The following RNF38 variants were observed in gnomAD, a reference collection of about 807,000 sequenced individuals.
RNF38 encodes the protein ring finger protein 38.
Under a neutral mutation model 67.2 loss-of-function variants are expected in RNF38, and 15 were observed. That is an observed-to-expected ratio of 0.22 (90% confidence interval 0.15 to 0.34). The LOEUF is 0.34. Ranked by LOEUF, RNF38 falls within the 10% of genes least tolerant of loss-of-function variation. RNF38 has a pLI of 1.00. For missense variants in RNF38, 524 were observed against 639.9 expected (o/e 0.82, Z 1.95); for synonymous variants, 220 against 218.8 (o/e 1.01, Z -0.05).
intron 1 of RNF38, among the ~76,000 whole-genome samples, chr9:36,475,957 C>A (rs1005587591): frequency 6.9e-6 from 1 of 145,656 alleles, no homozygotes; most frequent in Non-Finnish European, 1.5e-5. Context: ...TGCAGTAGGC[C>A]GAGATAATGC....
At chr9:36,400,453 G>A (rs1167237123), upstream of RNF38, 12 of 1,059,674 alleles carry the variant, frequency 1.1e-5, no homozygotes, top group African/African-American at 1.7e-5. Context: ...GGCGGCCGAG[G>A]CAAACCTTAG....
chr9:36,472,352 T>C (rs902901148), intron 1 of RNF38, among the ~76,000 whole-genome samples: 2 of 152,214 alleles, frequency 1.3e-5, no homozygotes, highest in African/African-American at 4.8e-5. Context: ...TCATTTTTCC[T>C]TCCTAGGTAT....
intron 1 of RNF38, among the ~76,000 whole-genome samples, chr9:36,462,747 TCAC>T (rs914051240): frequency 4.6e-5 from 7 of 151,604 alleles, no homozygotes; most frequent in Non-Finnish European, 8.8e-5. Flanking sequence ...TGATCTCAGC[TCAC>T]CACAACTTCC....
In RNF38 at chr9:36,435,446, A is replaced by T. The variant is rs73648758; in HGVS notation, n.242-10763T>A. On this transcript the variant is annotated intron_variant and non_coding_transcript_variant, in intron 1 of 3. Transcript: ENST00000488058. ...TTTGTATTCCAAAACAAAAAGTAAAAATTAAGTAGAAATTTACTCTAATAA... is the reference window on the plus strand; with the variant it reads ...TTTGTATTCCAAAACAAAAAGTAAATATTAAGTAGAAATTTACTCTAATAA... Among the ~76,000 whole-genome samples the T allele has an allele frequency of 2.4e-3, 370 of 152,224 alleles. 1 individual carries two copies. The highest frequency in any genetic ancestry group is 8.6e-3 in the African/African-American group (356 of 41,532).
chr9:36,418,737 G>A (rs1315211810), intron 2 of RNF38, among the ~76,000 whole-genome samples: 1 of 152,092 alleles, frequency 6.6e-6, no homozygotes, highest in Non-Finnish European at 1.5e-5. Flanking sequence ...AGTGAGGCGA[G>A]ATGGTGCCAC....
upstream of RNF38, chr9:36,400,474 G>C (rs1161688878): frequency 9.8e-7 from 1 of 1,021,174 alleles, no homozygotes; most frequent in Non-Finnish European, 1.2e-6. Flanking sequence ...CCCAAGACTC[G>C]GGCGCGGCCC....
intron 2 of RNF38, among the ~76,000 whole-genome samples, chr9:36,413,806 C>A (rs1323755558): frequency 6.6e-6 from 1 of 152,184 alleles, no homozygotes; most frequent in Non-Finnish European, 1.5e-5. Flanking sequence ...TGTTAACTTT[C>A]CATCTTGATG....
At chr9:36,413,216 C>G (rs1347481170) in intron 2 of RNF38, among the ~76,000 whole-genome samples, 1 of 150,202 alleles carries the variant, frequency 6.7e-6, no homozygotes, top group African/African-American at 2.4e-5. Context: ...GGCAACAGAG[C>G]AAGACTCCAT....
intron 3 of RNF38, among the ~76,000 whole-genome samples, chr9:36,373,877 G>C (rs988323461): frequency 6.6e-6 from 1 of 151,664 alleles, no homozygotes; most frequent in African/African-American, 2.4e-5. Flanking sequence ...TTTTGGTAGA[G>C]ACAGGGTTTC....
At chr9:36,371,890 A>G (rs1178917460) in intron 3 of RNF38, among the ~76,000 whole-genome samples, 2 of 150,754 alleles carry the variant, frequency 1.3e-5, no homozygotes, top group Non-Finnish European at 3.0e-5. Flanking sequence ...ATTCTGGGAA[A>G]TTTCCTCCAC....
chr9:36,486,429 T>A (rs1447555554), intron 1 of RNF38, among the ~76,000 whole-genome samples: 2 of 152,146 alleles, frequency 1.3e-5, no homozygotes, highest in Non-Finnish European at 2.9e-5. Context: ...CCAAACCACC[T>A]GGAAAAAACT....
rs746780162 is a variant in RNF38 at position 36,351,138 on chromosome 9, C to G, written c.1240G>C (p.Asp414His). 6 of 1,612,424 alleles carry G rather than the reference C, an allele frequency of 3.7e-6. No individual in the cohort carries two copies. The highest frequency in any genetic ancestry group is 3.4e-6 in the Non-Finnish European group (4 of 1,178,950). ...ACCTCGTAATTTTCTACTTCTCCATCTTCTACATCTAATTCAAAGCTGAAA... is the reference window on the plus strand; with the variant it reads ...ACCTCGTAATTTTCTACTTCTCCATGTTCTACATCTAATTCAAAGCTGAAA... Reference protein sequence around the residue: ...PTFSFELDVEDGEVENYEALL... With the variant: ...PTFSFELDVEHGEVENYEALL... Residue 414 changes from aspartate (D) to histidine (H), a missense_variant, in exon 9 of 12, where the codon GAT (aspartate) becomes CAT (histidine). This residue lies in a region of RNF38 where 461 missense variants were observed against 517.4 expected (regional missense o/e 0.89). Transcript: ENST00000259605.
intron 2 of RNF38, among the ~76,000 whole-genome samples, chr9:36,387,830 A>G (rs1836759767): frequency 6.6e-6 from 1 of 152,160 alleles, no homozygotes. Flanking sequence ...CGGGAAGCAC[A>G]TACAAAATAT....
At chr9:36,414,687 C>CAAAA (rs549559098) in intron 2 of RNF38, among the ~76,000 whole-genome samples, 3 of 70,074 alleles carry the variant, frequency 4.3e-5, no homozygotes, top group African/African-American at 1.4e-4. Context: ...ACTCTGTCTC[C>CAAAA]AAAAAAAAAA....
chr9:36,376,431 G>C (rs750517543), intron 2 of RNF38, among the ~76,000 whole-genome samples: 2 of 152,132 alleles, frequency 1.3e-5, no homozygotes, highest in Non-Finnish European at 2.9e-5. Flanking sequence ...CTTTCGTGTA[G>C]TACTCGACCT....
intron 1 of RNF38, among the ~76,000 whole-genome samples, chr9:36,450,475 TC>T (rs2134332261): frequency 6.6e-6 from 1 of 152,288 alleles, no homozygotes; most frequent in African/African-American, 2.4e-5. Flanking sequence ...TGTTTTAATT[TC>T]CCTCTAAAAT....
intron 1 of RNF38, among the ~76,000 whole-genome samples, chr9:36,426,960 A>T (rs1169929255): frequency 1.3e-5 from 2 of 152,270 alleles, no homozygotes; most frequent in Non-Finnish European, 2.9e-5. Flanking sequence ...TGCCTGGCAC[A>T]CAGCAATTCA....
chr9:36,344,810 G>A, intron 10 of RNF38, 22 bp downstream of exon 10: 1 of 1,605,802 alleles, frequency 6.2e-7, no homozygotes, highest in Non-Finnish European at 8.5e-7. Flanking sequence ...ATTTAGCAGT[G>A]ATGTCAGAAA....
chr9:36,459,748 CG>C (rs1388008764), intron 1 of RNF38, among the ~76,000 whole-genome samples: 5 of 151,996 alleles, frequency 3.3e-5, no homozygotes, highest in Non-Finnish European at 7.4e-5. Context: ...CAGAGACTTG[CG>C]GATTTTAGGA....
Sources: allele counts gnomAD v4.1 joint callset (sites outside exome capture counted in the v4.1 genomes callset), GRCh38; gene constraint gnomAD v4.1.1; regional missense constraint gnomAD v4.1.1; transcripts MANE v1.5; gene names NCBI Gene and HGNC (gene_info 2026-07-23, HGNC 2026-07-21).